The following EYS variants were observed in gnomAD, a reference collection of about 807,000 sequenced individuals.
EYS encodes protein eyes shut homolog.
Under a neutral mutation model 282.1 loss-of-function variants are expected in EYS, and 250 were observed. The observed-to-expected ratio is 0.89, with a 90% CI of 0.80 to 0.98. The LOEUF is 0.98. Among genes scored for constraint, EYS ranks in the 50% least tolerant of loss-of-function variants. The probability of loss-of-function intolerance (pLI) is 0.00; values close to 1 mark genes in which losing one functional copy is unlikely to be tolerated. For synonymous variants in EYS, 1,355 were observed against 1,282.9 expected, an observed-to-expected ratio of 1.06 and a Z score of -1.20; for missense variants, 4,016 against 3,709.0, an observed-to-expected ratio of 1.08 and a Z score of -2.15.
At chr6:64,066,824 C>A (rs1469637780) in intron 32 of EYS, among the ~76,000 whole-genome samples, 1 of 151,834 alleles carries the variant, frequency 6.6e-6, no homozygotes, top group African/African-American at 2.4e-5. Flanking sequence ...TATTAGAACT[C>A]CTGTGATAAT....
At chr6:64,911,244 G>A (rs758663671) in intron 16 of EYS, among the ~76,000 whole-genome samples, 1 of 151,940 alleles carries the variant, frequency 6.6e-6, no homozygotes, top group Non-Finnish European at 1.5e-5. Flanking sequence ...TGCTCCCCTT[G>A]TATTTTTTCG....
intron 12 of EYS, among the ~76,000 whole-genome samples, chr6:65,127,586 G>A (rs1775756549): frequency 6.6e-6 from 1 of 152,090 alleles, no homozygotes; most frequent in South Asian, 2.1e-4. Flanking sequence ...CTGTAGCTGT[G>A]TTATTGTCCT....
At chr6:64,656,213 A>G (rs1392740294) in intron 22 of EYS, among the ~76,000 whole-genome samples, 1 of 152,076 alleles carries the variant, frequency 6.6e-6, no homozygotes, top group Non-Finnish European at 1.5e-5. Flanking sequence ...AAATGCTGCT[A>G]TGTTTTACGA....
chr6:64,960,516 TTCA>T (rs1227658676), intron 14 of EYS, among the ~76,000 whole-genome samples: 2 of 152,186 alleles, frequency 1.3e-5, no homozygotes, highest in Non-Finnish European at 2.9e-5. Context: ...GGTTTTCCTT[TTCA>T]TTTTCTACTT....
At chr6:64,550,336 T>A (rs1243603868) in intron 26 of EYS, among the ~76,000 whole-genome samples, 4 of 152,126 alleles carry the variant, frequency 2.6e-5, no homozygotes, top group Non-Finnish European at 4.4e-5. Flanking sequence ...TGGTTGAACT[T>A]GTTTACAGAC....
At chr6:64,067,536 A>G (rs1436765766) in intron 32 of EYS, among the ~76,000 whole-genome samples, 1 of 152,146 alleles carries the variant, frequency 6.6e-6, no homozygotes, top group Non-Finnish European at 1.5e-5. Context: ...GTCCCAAAAC[A>G]GGTAATTACA....
chr6:63,721,039 T>C lies in EYS; in HGVS notation c.8992A>G (p.Met2998Val). 1 of 1,551,360 alleles carries C rather than the reference T, an allele frequency of 6.4e-7. No individual in the cohort carries two copies. Among genetic ancestry groups the C allele is most frequent in the Non-Finnish European group, 8.7e-7 (1 of 1,146,784 alleles). ...TTTTCTTCATTTTGAGCTATTCCCA[T>C]CCATACAATTAGACCTTCTGTTTTA... ...TTKTEGLIVW[M>V]GIAQNEENDF... Residue 2998 changes from methionine to valine, a missense_variant, in exon 43 of 43, where the codon ATG becomes GTG. Coordinates refer to ENST00000503581, the MANE Select transcript of EYS (RefSeq NM_001142800.2).
At chr6:65,218,031 A>G (rs1766360761) in intron 12 of EYS, among the ~76,000 whole-genome samples, 1 of 152,068 alleles carries the variant, frequency 6.6e-6, no homozygotes, top group African/African-American at 2.4e-5. Context: ...GCTGAATTAG[A>G]TAATAGTGGA....
chr6:65,385,999 A>G (rs1765785759), intron 7 of EYS, among the ~76,000 whole-genome samples: 1 of 151,910 alleles, frequency 6.6e-6, no homozygotes, highest in Non-Finnish European at 1.5e-5. Context: ...AAGAGCAGTT[A>G]AAGACACATG....
In EYS at chr6:65,292,381, A is replaced by G. The variant is rs143224231; in HGVS notation, c.2023+3482T>C. On this transcript the variant is annotated intron_variant, in intron 12 of 42. Coordinates refer to ENST00000503581, the MANE Select transcript of EYS (RefSeq NM_001142800.2). ...GGCTAGGTTAATTAAATGTCTATTC[A>G]AAGTATAGAGACTGGAATGTCGAAG... 3.3e-5 allele frequency among the ~76,000 whole-genome samples: 5 copies of G among 151,810 alleles called. No individual in the cohort carries two copies. In the East Asian group the frequency reaches 9.7e-4, roughly 29 times the overall value.
chr6:64,753,077 T>C (rs1371570950), intron 22 of EYS, among the ~76,000 whole-genome samples: 1 of 152,064 alleles, frequency 6.6e-6, no homozygotes, highest in Non-Finnish European at 1.5e-5. Context: ...ATTAGACTGG[T>C]CCTACAAGAA....
intron 35 of EYS, among the ~76,000 whole-genome samples, chr6:63,878,037 G>A (rs542090418): frequency 3.9e-5 from 6 of 152,320 alleles, no homozygotes; most frequent in Non-Finnish European, 8.8e-5. Flanking sequence ...TGTTCCTTTG[G>A]AGGAGAAGAG....
At chr6:64,649,114 A>G (rs964144290) in intron 22 of EYS, among the ~76,000 whole-genome samples, 3 of 152,178 alleles carry the variant, frequency 2.0e-5, no homozygotes, top group Admixed American at 2.0e-4. Context: ...TGAAGAGTAT[A>G]CAAGCATTTT....
At chr6:64,679,955 A>G (rs190307675) in intron 22 of EYS, among the ~76,000 whole-genome samples, 217 of 152,278 alleles carry the variant, frequency 1.4e-3, no homozygotes, top group African/African-American at 4.8e-3. Context: ...TCTCTTCTAC[A>G]ACAGGTATCC....
At chr6:64,321,377 G>C (rs902712920) in intron 29 of EYS, among the ~76,000 whole-genome samples, 1 of 151,592 alleles carries the variant, frequency 6.6e-6, no homozygotes. Context: ...AATTTCATTA[G>C]TACCAGCTTC....
At chr6:64,186,248 TACACAC>T (rs34727951) in intron 31 of EYS, among the ~76,000 whole-genome samples, 3,605 of 146,928 alleles carry the variant, frequency 0.025, 89 homozygotes, top group African/African-American at 0.061. Flanking sequence ...ATGTGTGTTT[TACACAC>T]ACACACACAC....
chr6:64,525,261 A>G (rs1377802989), intron 26 of EYS, among the ~76,000 whole-genome samples: 1 of 151,804 alleles, frequency 6.6e-6, no homozygotes. Flanking sequence ...AGAGCAAGAC[A>G]TGAAATCAAC....
intron 22 of EYS, among the ~76,000 whole-genome samples, chr6:64,669,915 G>C (rs1769384123): frequency 6.6e-6 from 1 of 152,158 alleles, no homozygotes; most frequent in African/African-American, 2.4e-5. Context: ...ACGTTAGATA[G>C]GTTGTTTAAG....
At chr6:64,491,577 A>G (rs962874108) in intron 26 of EYS, among the ~76,000 whole-genome samples, 1 of 151,048 alleles carries the variant, frequency 6.6e-6, no homozygotes, top group African/African-American at 2.4e-5. Context: ...TGGTCTAGAC[A>G]CTTTTTACGG....
Sources: gnomAD v4.1 joint callset for allele counts (sites outside exome capture counted in the v4.1 genomes callset) on GRCh38, gnomAD v4.1.1 for gene constraint, MANE v1.5 for transcripts, NCBI Gene and HGNC (gene_info 2026-07-23, HGNC 2026-07-21) for gene names.